The following RASGEF1A variants were observed in gnomAD, a reference collection of about 807,000 sequenced individuals.
The protein encoded by RASGEF1A is ras-GEF domain-containing family member 1A.
Under a neutral mutation model 56.4 loss-of-function variants are expected in RASGEF1A, and 18 were observed. That is an observed-to-expected ratio of 0.32 (90% CI 0.22 to 0.47). RASGEF1A has a LOEUF of 0.47. RASGEF1A is among the 20% of genes least tolerant of loss of function. RASGEF1A has a pLI of 1.00. For missense variants in RASGEF1A, 422 were observed against 627.1 expected, an observed-to-expected ratio of 0.67 and a Z score of 3.49; for synonymous variants, 245 against 242.6, an observed-to-expected ratio of 1.01 and a Z score of -0.09.
chr10:43,205,004 G>C (rs1340034052), intron 2 of RASGEF1A, among the ~76,000 whole-genome samples: 1 of 152,224 alleles, frequency 6.6e-6, no homozygotes, highest in African/African-American at 2.4e-5. Context: ...AGGAGGAGGA[G>C]GAGTGGGCAA....
chr10:43,199,741 T>C lies in RASGEF1A; in HGVS notation c.784A>G (p.Ser262Gly). 1 of 1,613,690 alleles carries C rather than the reference T, an allele frequency of 6.2e-7. No homozygotes were observed. Among genetic ancestry groups the C allele is most frequent in the Non-Finnish European group, 8.5e-7 (1 of 1,180,010 alleles). ...RCRGDLTKTY[S>G]LEAYDNWFNC... ...AACCAGTTGTCATAGGCCTCCAGGC[T>C]GTAGGTCTTGGTCAGGTCCCCTCGG... Residue 262 changes from serine (S) to glycine (G), a missense_variant, in exon 7 of 13, where the codon AGC becomes GGC. By Grantham distance (56) the Ser-to-Gly change is moderately conservative. Around this residue, in one of 2 missense-constraint regions of RASGEF1A, gnomAD observed 273 missense variants for 339.9 expected, o/e 0.80. Transcript: ENST00000395810.
intron 7 of RASGEF1A, among the ~76,000 whole-genome samples, chr10:43,199,420 T>A (rs1484668568): frequency 4.6e-5 from 7 of 152,074 alleles, no homozygotes; most frequent in Non-Finnish European, 1.0e-4. Flanking sequence ...CAGAGGGCTG[T>A]GAGGGCTGGC....
intron 1 of RASGEF1A, among the ~76,000 whole-genome samples, chr10:43,240,728 T>A (rs961407267): frequency 1.3e-5 from 2 of 152,004 alleles, no homozygotes; most frequent in Non-Finnish European, 2.9e-5. Flanking sequence ...GACACCATAA[T>A]GGACACTATC....
intron 2 of RASGEF1A, 115 bp downstream of exon 2, chr10:43,205,804 C>G (rs565491181): frequency 1.2e-6 from 1 of 859,364 alleles, no homozygotes; most frequent in African/African-American, 1.7e-5. Flanking sequence ...TGCCCTGCCC[C>G]TCCTGCAGCC....
intron 1 of RASGEF1A, chr10:43,207,441 C>T (rs1410498983): frequency 2.1e-6 from 2 of 961,258 alleles, no homozygotes; most frequent in African/African-American, 1.9e-5. Context: ...CACACACACA[C>T]ACAGCACGTC....
intron 1 of RASGEF1A, among the ~76,000 whole-genome samples, chr10:43,252,465 C>T (rs1372276152): frequency 6.6e-6 from 1 of 152,096 alleles, no homozygotes; most frequent in African/African-American, 2.4e-5. Flanking sequence ...GCTCGGCATC[C>T]AGCAGCTCTT....
chr10:43,259,527 C>T lies in RASGEF1A; in HGVS notation c.-7+7318G>A, dbSNP rs140833576. ...TCCCCATGGAATCAGGCTAGACTTC[C>T]GCTACAACTGCACTTCTGTCCAGCC... On this transcript the variant is annotated intron_variant, in intron 1 of 12. Coordinates refer to ENST00000395810, the MANE Select transcript of RASGEF1A (RefSeq NM_145313.4). 7.0e-4 allele frequency among the ~76,000 whole-genome samples: 107 copies of T among 152,274 alleles called. 1 individual carries two copies. The highest frequency in any genetic ancestry group is 3.4e-3 in the Middle Eastern group (1 of 294).
intron 1 of RASGEF1A, among the ~76,000 whole-genome samples, chr10:43,257,487 G>T (rs1447705785): frequency 6.6e-6 from 1 of 152,206 alleles, no homozygotes; most frequent in Admixed American, 6.5e-5. Flanking sequence ...CCGCCTGGGG[G>T]CCTCTCCTCC....
At position 43,256,942 on chromosome 10, in the gene RASGEF1A, C is replaced by T. The variant is rs564444790; in HGVS notation, c.-7+9903G>A. Among the ~76,000 whole-genome samples the T allele has an allele frequency of 1.1e-4, 16 of 152,348 alleles. No homozygotes were observed. In the East Asian group the frequency reaches 2.7e-3, roughly 26 times the overall value. ...CTTCCCAGGGTGGCTGCCTTCATCGCTCCCTCCTGGCACCTCTCCCTCCTT... is the reference window on the plus strand; with the variant it reads ...CTTCCCAGGGTGGCTGCCTTCATCGTTCCCTCCTGGCACCTCTCCCTCCTT... On this transcript the variant is annotated intron_variant, in intron 1 of 12. Transcript: ENST00000395810.
At chr10:43,258,138 G>A (rs913549910) in intron 1 of RASGEF1A, among the ~76,000 whole-genome samples, 1 of 152,248 alleles carries the variant, frequency 6.6e-6, no homozygotes, top group African/African-American at 2.4e-5. Flanking sequence ...GTACCCTCAT[G>A]GAGGTCTGCC....
Position 43,199,697 on chromosome 10 carries a change from C to T in RASGEF1A, c.828G>A (p.Leu276=). The T allele has an allele frequency of 6.2e-7, 1 of 1,613,630 alleles. No individual in the cohort carries two copies. Among genetic ancestry groups the T allele is most frequent in the Non-Finnish European group, 8.5e-7 (1 of 1,180,018 alleles). ...TTACCCGGCACACCTCAGTGGCCAC[C>T]AGCATGCTCAGGCAGTTGAACCAGT... ...YDNWFNCLSM[L]VATEVCRVVK... is the part of the protein sequence containing the mutation. The change falls in exon 7 of 13, where the codon CTG becomes CTA. Residue 276 remains leucine (L), a synonymous_variant. Transcript: ENST00000395810.
At chr10:43,237,147 C>A (rs570053715) in intron 1 of RASGEF1A, among the ~76,000 whole-genome samples, 1 of 151,996 alleles carries the variant, frequency 6.6e-6, no homozygotes, top group East Asian at 1.9e-4. Flanking sequence ...GGTCTCATAA[C>A]CAGCCTAGCC....
chr10:43,251,667 C>A (rs931974081), intron 1 of RASGEF1A, among the ~76,000 whole-genome samples: 6 of 152,220 alleles, frequency 3.9e-5, no homozygotes, highest in Admixed American at 3.9e-4. Context: ...CCTGAGCAGA[C>A]TGCGAAACGT....
rs192619978 is a variant in RASGEF1A at position 43,234,232 on chromosome 10, C to T, written c.-6-28110G>A. Among the ~76,000 whole-genome samples the T allele has an allele frequency of 2.0e-3, 312 of 152,290 alleles. 6 individuals carry two copies. Among genetic ancestry groups the T allele is most frequent in the East Asian group, 7.7e-4 (4 of 5,174 alleles). On this transcript the variant is annotated intron_variant, in intron 1 of 12. Coordinates refer to ENST00000395810, the MANE Select transcript of RASGEF1A (RefSeq NM_145313.4). ...TGAAGGAGAGAAAAATAAGAGAGAACATCTGGGCCAGGACAGGTAGAAGCT... is the reference window on the plus strand; with the variant it reads ...TGAAGGAGAGAAAAATAAGAGAGAATATCTGGGCCAGGACAGGTAGAAGCT...
intron 1 of RASGEF1A, among the ~76,000 whole-genome samples, chr10:43,233,168 C>T (rs980279404): frequency 6.6e-6 from 1 of 152,192 alleles, no homozygotes; most frequent in African/African-American, 2.4e-5. Flanking sequence ...AGAGCCTTTC[C>T]ACCTTCTGGT....
chr10:43,237,701 C>G (rs1355940403), intron 1 of RASGEF1A, among the ~76,000 whole-genome samples: 2 of 152,088 alleles, frequency 1.3e-5, no homozygotes, highest in African/African-American at 2.4e-5. Context: ...CCTGAACGCA[C>G]TCATGCCAGG....
chr10:43,255,964 C>T (rs1178903496), intron 1 of RASGEF1A, among the ~76,000 whole-genome samples: 1 of 152,190 alleles, frequency 6.6e-6, no homozygotes, highest in Non-Finnish European at 1.5e-5. Flanking sequence ...CCCTGGTTGC[C>T]AACAATGCTA....
chr10:43,198,843 G>T, intron 9 of RASGEF1A, 90 bp downstream of exon 9: 1 of 1,222,908 alleles, frequency 8.2e-7, no homozygotes, highest in Non-Finnish European at 1.2e-6. Flanking sequence ...GAGGAGGGCA[G>T]CCCCCCACCC....
At chr10:43,233,114 T>C (rs1337513463) in intron 1 of RASGEF1A, among the ~76,000 whole-genome samples, 1 of 152,162 alleles carries the variant, frequency 6.6e-6, no homozygotes, top group Non-Finnish European at 1.5e-5. Context: ...GCCCCAGCAT[T>C]GTCCTGCCAT....
Sources: allele counts gnomAD v4.1 joint callset (sites outside exome capture counted in the v4.1 genomes callset), GRCh38; gene constraint gnomAD v4.1.1; regional missense constraint gnomAD v4.1.1; transcripts MANE v1.5; gene names NCBI Gene and HGNC (gene_info 2026-07-23, HGNC 2026-07-21).